The following SP1 variants were observed in gnomAD, a reference collection of about 807,000 sequenced individuals.
The protein encoded by SP1 is transcription factor Sp1.
A neutral mutation model predicts 66.3 loss-of-function variants in SP1; 6 were observed. That is an observed-to-expected ratio of 0.09 (90% CI 0.05 to 0.18). The LOEUF (loss-of-function observed/expected upper bound fraction) is 0.18, where lower values mean the gene tolerates loss of function less well. Ranked by LOEUF, SP1 falls within the 10% of genes least tolerant of loss-of-function variation. The pLI, the probability that SP1 is intolerant of heterozygous loss-of-function variation, is 1.00. For synonymous variants in SP1, 417 were observed against 360.8 expected, an observed-to-expected ratio of 1.16 and a Z score of -1.77; for missense variants, 848 against 964.5, an observed-to-expected ratio of 0.88 and a Z score of 1.60.
intron 5 of SP1, among the ~76,000 whole-genome samples, chr12:53,410,456 C>T (rs921136901): frequency 6.6e-6 from 1 of 152,124 alleles, no homozygotes; most frequent in Non-Finnish European, 1.5e-5. Context: ...CAACCTTTAT[C>T]TAGTTTTCTT....
At chr12:53,396,043 C>T (rs1286717256) in intron 3 of SP1, among the ~76,000 whole-genome samples, 1 of 152,038 alleles carries the variant, frequency 6.6e-6, no homozygotes, top group Non-Finnish European at 1.5e-5. Flanking sequence ...TCACCTGAAC[C>T]TGGAAAGTGG....
intron 3 of SP1, among the ~76,000 whole-genome samples, chr12:53,396,429 A>G (rs1295146344): frequency 6.8e-6 from 1 of 147,782 alleles, no homozygotes; most frequent in East Asian, 2.1e-4. Flanking sequence ...TTACCCGGGC[A>G]TGGTGATGTG....
chr12:53,411,268 T>A lies in SP1; in HGVS notation c.*28T>A, dbSNP rs373114098. 3 of 1,581,616 alleles carry A rather than the reference T, an allele frequency of 1.9e-6. No homozygotes were observed. In the African/African-American group the frequency reaches 4.0e-5, roughly 21 times the overall value. Reference sequence around the variant, plus strand: ...TCAGGCACCCGGGGCCAGAGACATATGGGCCATACCCCTTAACCCCGGGAT... The same window carrying A: ...TCAGGCACCCGGGGCCAGAGACATAAGGGCCATACCCCTTAACCCCGGGAT... On this transcript the variant is annotated 3_prime_UTR_variant, in exon 6 of 6. Transcript: ENST00000327443.
intron 4 of SP1, among the ~76,000 whole-genome samples, chr12:53,407,874 G>C (rs887609998): frequency 1.3e-5 from 2 of 149,372 alleles, no homozygotes; most frequent in Non-Finnish European, 3.0e-5. Flanking sequence ...CTGACCTTGT[G>C]ATCCGCCTGC....
At chr12:53,408,808 AG>A in intron 4 of SP1, among the ~76,000 whole-genome samples, 1 of 152,164 alleles carries the variant, frequency 6.6e-6, no homozygotes, top group East Asian at 2.0e-4. Context: ...CGGGAGGCTG[AG>A]GCAGGAGAAT....
rs1938983845 is a variant in SP1 at position 53,415,758 on chromosome 12, C to G, written c.*4518C>G. ...CCATATCTTGCCTTCAGGAATTACA[C>G]TGTGCCTTTTCCCCAGGGATATGGG... On this transcript the variant is annotated 3_prime_UTR_variant, in exon 6 of 6. Transcript: ENST00000327443. 6.6e-6 allele frequency: 1 copy of G among 152,578 alleles called. No individual in the cohort carries two copies. Among genetic ancestry groups the G allele is most frequent in the Non-Finnish European group, 1.5e-5 (1 of 68,064 alleles). 9.5% of individuals were successfully genotyped at this position (152,578 alleles called of 1,614,324 possible). A position where few individuals can be genotyped will look rare whatever the true frequency, so the allele number is the denominator to read the frequency against.
chr12:53,399,713 C>G (rs1439988196), intron 3 of SP1, among the ~76,000 whole-genome samples: 1 of 151,840 alleles, frequency 6.6e-6, no homozygotes, highest in Non-Finnish European at 1.5e-5. Context: ...CTCCGGCTCA[C>G]CGCAACCTCC....
intron 3 of SP1, among the ~76,000 whole-genome samples, chr12:53,394,232 G>A (rs1334329239): frequency 2.0e-5 from 3 of 151,542 alleles, no homozygotes; most frequent in Admixed American, 6.6e-5. Context: ...AAAAAAGAAC[G>A]TACTCTGCTT....
At position 53,411,444 on chromosome 12, in the gene SP1, CATT is replaced by C. The variant is rs529962149; in HGVS notation, c.*206_*208del. The C allele has an allele frequency of 4.8e-4, 235 of 489,308 alleles. No homozygotes were observed. The highest frequency in any genetic ancestry group is 4.4e-3 in the African/African-American group (223 of 51,174). 30.3% of individuals were successfully genotyped at this position (489,308 alleles called of 1,614,324 possible). A position where few individuals can be genotyped will look rare whatever the true frequency, so the allele number is the denominator to read the frequency against. ...TCAGTGCCTCTTTGAAGGTGGGAAA[CATT>C]AGTGAAAATTCTGTTGGTGCCACGC... On this transcript the variant is annotated 3_prime_UTR_variant, in exon 6 of 6. Transcript: ENST00000327443.
chr12:53,392,174 G>A (rs1938368760), intron 3 of SP1, among the ~76,000 whole-genome samples: 1 of 152,104 alleles, frequency 6.6e-6, no homozygotes, highest in Admixed American at 6.6e-5. Flanking sequence ...TAACCACTTA[G>A]AAGAAGGAGT....
chr12:53,406,400 A>ATT (rs1229652567), intron 3 of SP1, among the ~76,000 whole-genome samples, 185 bp from the exon 4 acceptor site: 1 of 152,056 alleles, frequency 6.6e-6, no homozygotes, highest in African/African-American at 2.4e-5. Context: ...GATTCTTGAG[A>ATT]TTTCAGTGAG....
Position 53,411,737 on chromosome 12 carries a change from A to G in SP1, c.*497A>G, listed in dbSNP as rs1462134877. The G allele has an allele frequency of 1.3e-5, 2 of 151,360 alleles. No homozygotes were observed. The highest frequency in any genetic ancestry group is 2.1e-4 in the South Asian group (1 of 4,808). 9.4% of individuals were successfully genotyped at this position (151,360 alleles called of 1,614,324 possible). A position where few individuals can be genotyped will look rare whatever the true frequency, so the allele number is the denominator to read the frequency against. On this transcript the variant is annotated 3_prime_UTR_variant, in exon 6 of 6. Coordinates refer to ENST00000327443, the MANE Select transcript of SP1 (RefSeq NM_138473.3). The stretch of plus-strand genomic sequence containing the variant: ...GGAGGAGGAAGACCATTCTGTGACC[A>G]AAATACCTTGGTCATTTTTTTTATA...
chr12:53,402,087 TATC>T (rs1206163875), intron 3 of SP1, among the ~76,000 whole-genome samples: 1 of 152,210 alleles, frequency 6.6e-6, no homozygotes, highest in Non-Finnish European at 1.5e-5. Flanking sequence ...AAAGGACTCA[TATC>T]TAAGTTTCTC....
chr12:53,390,273 A>G (rs1241058503), intron 3 of SP1, among the ~76,000 whole-genome samples: 1 of 152,114 alleles, frequency 6.6e-6, no homozygotes, highest in Non-Finnish European at 1.5e-5. Context: ...TTTTAATTTA[A>G]AAAATTTATT....
intron 3 of SP1, among the ~76,000 whole-genome samples, chr12:53,404,891 A>T (rs766826014): frequency 6.6e-6 from 1 of 152,128 alleles, no homozygotes; most frequent in Non-Finnish European, 1.5e-5. Context: ...GCTGGAGTGC[A>T]GTGGCACAGT....
chr12:53,380,608 C>T (rs1157958366), intron 1 of SP1: 95 of 1,014,138 alleles, frequency 9.4e-5, no homozygotes, highest in Non-Finnish European at 1.1e-4. Context: ...CTCCTCCCGC[C>T]GGGGGCTGGA....
intron 3 of SP1, among the ~76,000 whole-genome samples, chr12:53,395,188 A>G (rs1174817628): frequency 6.6e-6 from 1 of 152,018 alleles, no homozygotes; most frequent in Non-Finnish European, 1.5e-5. Flanking sequence ...TGAAAATACA[A>G]AAGTAGCTGG....
At chr12:53,384,684 A>T (rs1234340742) in intron 3 of SP1, among the ~76,000 whole-genome samples, 1 of 152,120 alleles carries the variant, frequency 6.6e-6, no homozygotes, top group African/African-American at 2.4e-5. Context: ...CAACTCCTCC[A>T]TAGGATAAAA....
intron 3 of SP1, among the ~76,000 whole-genome samples, chr12:53,400,862 C>T (rs537634135): frequency 8.0e-4 from 121 of 150,802 alleles, no homozygotes; most frequent in Non-Finnish European, 1.3e-3. Flanking sequence ...CCCAGGTTCA[C>T]GCCATTCTCC....
Sources: gnomAD v4.1 joint callset for allele counts (sites outside exome capture counted in the v4.1 genomes callset) on GRCh38, gnomAD v4.1.1 for gene constraint, MANE v1.5 for transcripts, NCBI Gene and HGNC (gene_info 2026-07-23, HGNC 2026-07-21) for gene names.